The following MPPED2 variants were observed in gnomAD, a reference collection of about 807,000 sequenced individuals.
The protein encoded by MPPED2 is metallophosphoesterase MPPED2.
MPPED2 carries 5 observed loss-of-function variants against 33.0 expected under a neutral mutation model. The ratio of observed to expected loss-of-function variants is 0.15; its 90% CI spans 0.08 to 0.32. The LOEUF is 0.32. Among genes scored for constraint, MPPED2 ranks in the 10% least tolerant of loss-of-function variants. MPPED2 has a pLI of 1.00. For missense variants in MPPED2, 275 were observed against 372.1 expected (o/e 0.74, Z 2.15); for synonymous variants, 136 against 141.9 (o/e 0.96, Z 0.29).
chr11:30,544,028 C>G (rs1377216152), intron 2 of MPPED2, among the ~76,000 whole-genome samples: 1 of 152,116 alleles, frequency 6.6e-6, no homozygotes, highest in Non-Finnish European at 1.5e-5. Flanking sequence ...CGGAGTGTGT[C>G]TCCTCTATTT....
intron 3 of MPPED2, among the ~76,000 whole-genome samples, chr11:30,516,874 C>T (rs1953563385): frequency 6.6e-6 from 1 of 152,090 alleles, no homozygotes; most frequent in Non-Finnish European, 1.5e-5. Flanking sequence ...CAAGCATTTT[C>T]TTAATTCATT....
At chr11:30,508,415 A>T (rs963919783) in intron 3 of MPPED2, among the ~76,000 whole-genome samples, 1 of 152,208 alleles carries the variant, frequency 6.6e-6, no homozygotes, top group Non-Finnish European at 1.5e-5. Context: ...ACTCTGTCAA[A>T]GAGCAGATTT....
chr11:30,545,533 T>G (rs1012603295), intron 2 of MPPED2, among the ~76,000 whole-genome samples: 1 of 152,128 alleles, frequency 6.6e-6, no homozygotes, highest in Non-Finnish European at 1.5e-5. Flanking sequence ...TTTGGCTGAA[T>G]AGAGTAATAG....
intron 4 of MPPED2, among the ~76,000 whole-genome samples, chr11:30,434,468 C>T (rs1290250910): frequency 6.6e-6 from 1 of 152,196 alleles, no homozygotes; most frequent in East Asian, 1.9e-4. Flanking sequence ...CAGGAAGTAA[C>T]AACTGGATCC....
intron 4 of MPPED2, among the ~76,000 whole-genome samples, chr11:30,477,454 TG>T (rs1345975140): frequency 6.6e-6 from 1 of 152,148 alleles, no homozygotes; most frequent in Non-Finnish European, 1.5e-5. Context: ...ATGCTTTTTC[TG>T]TATCTATTAA....
At chr11:30,497,101 T>G (rs1204769700) in intron 3 of MPPED2, among the ~76,000 whole-genome samples, 10 of 152,190 alleles carry the variant, frequency 6.6e-5, no homozygotes, top group Admixed American at 6.5e-4. Context: ...TGGCCTCAGT[T>G]ATTTGTAAGG....
rs573298866 is a variant in MPPED2, at chr11:30,412,227, C to T, written c.767-641G>A. ...GAAACATCACCCTAGGTCACTGTTT[C>T]CTAAGCTTACCTGGATACTAGATCA... On this transcript the variant is annotated intron_variant, in intron 6 of 6. Transcript: ENST00000358117. Among the ~76,000 whole-genome samples the T allele has an allele frequency of 2.7e-5, 4 of 149,162 alleles. No individual in the cohort carries two copies. The South Asian group carries it at 8.8e-4, about 33-fold the overall frequency.
intron 4 of MPPED2, among the ~76,000 whole-genome samples, chr11:30,488,392 T>C (rs1251356939): frequency 6.6e-6 from 1 of 152,216 alleles, no homozygotes; most frequent in East Asian, 1.9e-4. Flanking sequence ...CATAATTGAA[T>C]GCAGACAAAT....
chr11:30,390,516 C>T (rs965432876), intron 6 of MPPED2, among the ~76,000 whole-genome samples: 10 of 152,128 alleles, frequency 6.6e-5, no homozygotes, highest in South Asian at 4.1e-4. Context: ...TAATGGAGGC[C>T]GGAGTCTGGA....
intron 4 of MPPED2, among the ~76,000 whole-genome samples, chr11:30,457,533 A>G (rs541170808): frequency 6.6e-6 from 1 of 152,342 alleles, no homozygotes; most frequent in Non-Finnish European, 1.5e-5. Context: ...CAAGTAAAGA[A>G]AGATCCATGA....
rs150911717 is a variant in MPPED2, at chr11:30,471,555, G to C, written c.536+23741C>G. On this transcript the variant is annotated intron_variant, in intron 4 of 6. Coordinates refer to ENST00000358117, the MANE Select transcript of MPPED2 (RefSeq NM_001584.3). ...CTTGTCCTTACCCAAGCTGAATTGG[G>C]TGCTCATCATGTCTGTCTCCCAAGT... Among the ~76,000 whole-genome samples the C allele has an allele frequency of 5.7e-3, 867 of 152,232 alleles. 1 individual carries two copies. Among genetic ancestry groups the C allele is most frequent in the Non-Finnish European group, 8.0e-3 (542 of 68,014 alleles).
At chr11:30,517,758 GA>G (rs1484019686) in intron 3 of MPPED2, among the ~76,000 whole-genome samples, 6 of 152,136 alleles carry the variant, frequency 3.9e-5, no homozygotes, top group Non-Finnish European at 8.8e-5. Flanking sequence ...AAAGGACGAA[GA>G]AAGAACTGCC....
intron 4 of MPPED2, among the ~76,000 whole-genome samples, chr11:30,476,174 A>T (rs910377958): frequency 1.3e-5 from 2 of 151,988 alleles, no homozygotes; most frequent in Non-Finnish European, 2.9e-5. Flanking sequence ...TATAGGTTGA[A>T]AATATGTTCC....
intron 6 of MPPED2, among the ~76,000 whole-genome samples, chr11:30,391,034 C>A (rs183912195): frequency 2.0e-3 from 300 of 152,224 alleles, no homozygotes; most frequent in African/African-American, 6.9e-3. Flanking sequence ...TTATAGTGCA[C>A]AGGGGCCTGG....
At chr11:30,425,367 C>T (rs956645205) in intron 4 of MPPED2, among the ~76,000 whole-genome samples, 3 of 152,140 alleles carry the variant, frequency 2.0e-5, no homozygotes, top group Non-Finnish European at 4.4e-5. Flanking sequence ...AACCAAGAAA[C>T]AAAAGACAAC....
intron 4 of MPPED2, among the ~76,000 whole-genome samples, chr11:30,482,074 G>T (rs998619109): frequency 1.3e-5 from 2 of 152,104 alleles, no homozygotes; most frequent in Admixed American, 1.3e-4. Flanking sequence ...ACATTTTACG[G>T]CTACAGAATG....
intron 3 of MPPED2, among the ~76,000 whole-genome samples, chr11:30,511,033 T>C (rs1056844528): frequency 6.6e-6 from 1 of 152,230 alleles, no homozygotes; most frequent in Non-Finnish European, 1.5e-5. Flanking sequence ...CTTTATGTTT[T>C]GGCTCATTTC....
intron 2 of MPPED2, among the ~76,000 whole-genome samples, chr11:30,563,445 C>T (rs899858486): frequency 1.2e-4 from 19 of 152,212 alleles, no homozygotes; most frequent in Non-Finnish European, 2.1e-4. Context: ...GTAATGCTGG[C>T]GCAGCTCACC....
chr11:30,397,966 G>T (rs1398474309), intron 6 of MPPED2, among the ~76,000 whole-genome samples: 2 of 152,110 alleles, frequency 1.3e-5, no homozygotes, highest in Non-Finnish European at 2.9e-5. Flanking sequence ...CATCTTGCAA[G>T]ATCTCTTAGC....
Sources: allele counts gnomAD v4.1 joint callset (sites outside exome capture counted in the v4.1 genomes callset), GRCh38; gene constraint gnomAD v4.1.1; transcripts MANE v1.5; gene names NCBI Gene and HGNC (gene_info 2026-07-23, HGNC 2026-07-21).